Variants in HYCC2 observed in about 807,000 individuals in gnomAD.
HYCC2 encodes the protein hyccin 2.
the HYCC2 span, among the ~76,000 whole-genome samples, chr2:201,049,210 A>T: frequency 3.3e-5 from 5 of 152,136 alleles, no homozygotes; most frequent in African/African-American, 4.8e-5. Context: ...TAATAGTTGG[A>T]GACCCACATC....
At chr2:201,064,562 T>C in the HYCC2 span, among the ~76,000 whole-genome samples, 1 of 152,180 alleles carries the variant, frequency 6.6e-6, no homozygotes, top group Non-Finnish European at 1.5e-5. Flanking sequence ...TGATAGTTAC[T>C]GTTGTGACCT....
At chr2:201,067,375 T>C in the HYCC2 span, among the ~76,000 whole-genome samples, 2 of 152,226 alleles carry the variant, frequency 1.3e-5, no homozygotes, top group African/African-American at 2.4e-5. Flanking sequence ...CTGTAAACCA[T>C]GCTTTGCCAT....
the HYCC2 span, among the ~76,000 whole-genome samples, chr2:201,026,182 G>A: frequency 1.3e-5 from 2 of 152,122 alleles, no homozygotes; most frequent in Non-Finnish European, 2.9e-5. Context: ...TGATAAAACA[G>A]ACTTTAAACC....
the HYCC2 span, among the ~76,000 whole-genome samples, chr2:201,053,958 C>T: frequency 2.0e-5 from 3 of 152,002 alleles, no homozygotes; most frequent in Non-Finnish European, 4.4e-5. Context: ...AGCGAGACTC[C>T]ATCTCAAAAA....
At chr2:201,063,525 G>C in the HYCC2 span, 3 of 1,592,002 alleles carry the variant, frequency 1.9e-6, no homozygotes, top group Non-Finnish European at 2.6e-6. Context: ...GGGAAGAAAA[G>C]GGGCTTTGCC....
At chr2:201,057,807 G>A in the HYCC2 span, among the ~76,000 whole-genome samples, 1 of 152,072 alleles carries the variant, frequency 6.6e-6, no homozygotes, top group East Asian at 1.9e-4. Context: ...TAGCCCTACA[G>A]GACAGGAGAA....
chr2:201,020,695 C>T, the HYCC2 span, among the ~76,000 whole-genome samples: 1 of 152,148 alleles, frequency 6.6e-6, no homozygotes, highest in South Asian at 2.1e-4. Flanking sequence ...ATATTTCACC[C>T]ACTAAACACC....
At chr2:200,988,478 T>C in the HYCC2 span, 4 of 1,324,114 alleles carry the variant, frequency 3.0e-6, no homozygotes, top group African/African-American at 1.5e-5. Context: ...TTTTTGTTTA[T>C]ACTACATGTG....
the HYCC2 span, among the ~76,000 whole-genome samples, chr2:201,062,524 A>T: frequency 6.6e-6 from 1 of 151,886 alleles, no homozygotes; most frequent in Admixed American, 6.6e-5. Context: ...GGTGGCGGGC[A>T]CCTGTAGTCC....
chr2:201,016,478 G>T, the HYCC2 span, among the ~76,000 whole-genome samples: 1 of 152,110 alleles, frequency 6.6e-6, no homozygotes, highest in African/African-American at 2.4e-5. Context: ...ACGAGGTTTG[G>T]CCAAGCTGCC....
the HYCC2 span, among the ~76,000 whole-genome samples, chr2:201,060,065 G>A: frequency 1.6e-4 from 21 of 130,278 alleles, no homozygotes; most frequent in Admixed American, 1.5e-3. Flanking sequence ...GGGGGGGGGG[G>A]GGTTCTTCTT....
the HYCC2 span, among the ~76,000 whole-genome samples, chr2:201,029,689 A>G: frequency 6.6e-6 from 1 of 152,296 alleles, no homozygotes; most frequent in South Asian, 2.1e-4. Context: ...ACAGAAAGCC[A>G]AACACCACAT....
the HYCC2 span, among the ~76,000 whole-genome samples, chr2:201,027,357 G>A: frequency 2.0e-5 from 3 of 152,166 alleles, no homozygotes; most frequent in Middle Eastern, 3.4e-3. Flanking sequence ...AGGACCAGAC[G>A]GATTCACAGC....
At chr2:201,039,127 C>T in the HYCC2 span, among the ~76,000 whole-genome samples, 1 of 152,168 alleles carries the variant, frequency 6.6e-6, no homozygotes, top group Non-Finnish European at 1.5e-5. Flanking sequence ...TCCCTATATA[C>T]TTTAATCAGC....
the HYCC2 span, chr2:200,987,524 C>CA: frequency 7.8e-7 from 1 of 1,289,662 alleles, no homozygotes; most frequent in South Asian, 1.2e-5. Flanking sequence ...TTTGAGAAGT[C>CA]AAAGCCATCT....
the HYCC2 span, among the ~76,000 whole-genome samples, chr2:201,037,752 T>A: frequency 6.6e-6 from 1 of 152,124 alleles, no homozygotes; most frequent in African/African-American, 2.4e-5. Flanking sequence ...CAAGATGGAT[T>A]AAAGACTTAA....
chr2:201,040,454 C>T, the HYCC2 span, among the ~76,000 whole-genome samples: 4 of 144,984 alleles, frequency 2.8e-5, no homozygotes, highest in Admixed American at 2.0e-4. Flanking sequence ...GTTGTTATTG[C>T]TTTTGTTTTT....
chr2:201,021,981 G>T, the HYCC2 span: 1 of 786,808 alleles, frequency 1.3e-6, no homozygotes, highest in Non-Finnish European at 1.9e-6. Flanking sequence ...AAAGAAGGAG[G>T]TCAATAAGCA....
the HYCC2 span, among the ~76,000 whole-genome samples, chr2:201,066,078 C>CT: frequency 9.5e-4 from 139 of 146,048 alleles, no homozygotes; most frequent in Middle Eastern, 7.2e-3. Context: ...GTTTTCTTTT[C>CT]TTTTTTTTTT....
Sources: allele counts gnomAD v4.1 joint callset (sites outside exome capture counted in the v4.1 genomes callset), GRCh38; gene constraint gnomAD v4.1.1; transcripts MANE v1.5; gene names NCBI Gene and HGNC (gene_info 2026-07-23, HGNC 2026-07-21).